Variants in CLDN10 observed in about 807,000 individuals in gnomAD.
CLDN10 encodes the protein claudin 10, also known as claudin-10.
In CLDN10, 15 loss-of-function variants were observed where a neutral mutation model predicts 22.9. That is an observed-to-expected ratio of 0.65 (90% CI 0.44 to 1.01). CLDN10 has a LOEUF of 1.01. Ranked by LOEUF, CLDN10 falls within the 50% of genes least tolerant of loss-of-function variation. The pLI, the probability that CLDN10 is intolerant of heterozygous loss-of-function variation, is 0.00. For missense variants in CLDN10, 247 were observed against 287.8 expected (o/e 0.86, Z 1.03); for synonymous variants, 114 against 111.4 (o/e 1.02, Z -0.15).
intron 1 of CLDN10, among the ~76,000 whole-genome samples, chr13:95,494,327 A>G (rs1321120490): frequency 6.6e-6 from 1 of 152,230 alleles, no homozygotes; most frequent in Non-Finnish European, 1.5e-5. Context: ...GTATTTACAC[A>G]AGAGGAAACA....
chr13:95,495,327 G>C (rs1004547541), intron 1 of CLDN10, among the ~76,000 whole-genome samples: 2 of 150,872 alleles, frequency 1.3e-5, no homozygotes, highest in African/African-American at 4.9e-5. Context: ...GTGAGCCACC[G>C]TGCCCTGCCC....
At chr13:95,434,630 A>G (rs1373270159) in intron 1 of CLDN10, among the ~76,000 whole-genome samples, 1 of 149,332 alleles carries the variant, frequency 6.7e-6, no homozygotes, top group Non-Finnish European at 1.5e-5. Flanking sequence ...ACATATATTC[A>G]TGCACACACA....
chr13:95,449,058 A>G (rs902839504), intron 1 of CLDN10, among the ~76,000 whole-genome samples: 1 of 151,894 alleles, frequency 6.6e-6, no homozygotes, highest in African/African-American at 2.4e-5. Flanking sequence ...CATACTCTAA[A>G]TCACCTTACT....
rs547636191 is a variant in CLDN10 at position 95,567,565 on chromosome 13, A to T, written c.464+7102A>T. On this transcript the variant is annotated intron_variant, in intron 3 of 4. Transcript: ENST00000299339. ...CTGAATATACAATCATGTCATCTGC[A>T]AACAGGGACAATTTGACTTCCTCTT... Among the ~76,000 whole-genome samples the T allele has an allele frequency of 5.3e-5, 8 of 152,370 alleles. No individual in the cohort carries two copies. In the East Asian group the frequency reaches 1.5e-3, roughly 29 times the overall value.
In CLDN10 at chr13:95,440,181, G is replaced by C. The variant is rs181528976; in HGVS notation, c.214+6134G>C. Reference sequence around the variant, plus strand: ...CCCACCTCAGCTTCCCAAAGTGCTGGGATTACAGGCGTGAGCCACCATGCC... The same window carrying C: ...CCCACCTCAGCTTCCCAAAGTGCTGCGATTACAGGCGTGAGCCACCATGCC... On this transcript the variant is annotated intron_variant, in intron 1 of 4. Transcript: ENST00000376873. Among the ~76,000 whole-genome samples, 1,498 of 151,508 alleles carry C rather than the reference G, an allele frequency of 9.9e-3. 24 individuals carry two copies. Among genetic ancestry groups the C allele is most frequent in the African/African-American group, 0.035 (1,432 of 41,304 alleles).
intron 1 of CLDN10, among the ~76,000 whole-genome samples, chr13:95,518,167 G>A (rs2043189718): frequency 6.6e-6 from 1 of 152,152 alleles, no homozygotes; most frequent in Non-Finnish European, 1.5e-5. Context: ...AGGGTTGTGA[G>A]GTTAGAATGA....
intron 1 of CLDN10, among the ~76,000 whole-genome samples, chr13:95,543,510 G>T (rs1424792340): frequency 6.6e-6 from 1 of 151,956 alleles, no homozygotes; most frequent in East Asian, 1.9e-4. Flanking sequence ...ATTCCAGGTA[G>T]CAAAACAAAC....
chr13:95,496,734 T>C (rs1246880968), intron 1 of CLDN10, among the ~76,000 whole-genome samples: 3 of 152,226 alleles, frequency 2.0e-5, no homozygotes, highest in Non-Finnish European at 4.4e-5. Context: ...CCCACCCTCA[T>C]GACCTCATGT....
In CLDN10 at chr13:95,460,525, T is replaced by C. The variant is rs191334291; in HGVS notation, c.214+26478T>C. Among the ~76,000 whole-genome samples the C allele has an allele frequency of 3.3e-5, 5 of 152,234 alleles. No individual in the cohort carries two copies. The East Asian group carries it at 9.6e-4, about 29-fold the overall frequency. ...ACATGGCAAAAAGGAAAGAGCCCCT[T>C]ATAAAACCATTAGATCTCATGAAAA... On this transcript the variant is annotated intron_variant, in intron 1 of 4. Coordinates refer to the CLDN10 transcript ENST00000376873.
At chr13:95,453,132 A>C (rs1028339976) in intron 1 of CLDN10, among the ~76,000 whole-genome samples, 1 of 152,178 alleles carries the variant, frequency 6.6e-6, no homozygotes, top group Non-Finnish European at 1.5e-5. Flanking sequence ...TACTATACCA[A>C]CCTATGGGAA....
intron 3 of CLDN10, among the ~76,000 whole-genome samples, chr13:95,570,535 A>C (rs1443717714): frequency 1.3e-5 from 2 of 152,062 alleles, no homozygotes; most frequent in East Asian, 3.9e-4. Flanking sequence ...GTAGACACTC[A>C]CTGATCACTT....
intron 1 of CLDN10, among the ~76,000 whole-genome samples, chr13:95,473,370 C>T (rs1252212444): frequency 1.3e-5 from 2 of 152,046 alleles, no homozygotes; most frequent in South Asian, 2.1e-4. Context: ...GCACATGTAC[C>T]CCAGAACTAA....
At chr13:95,542,738 C>T (rs1210582888) in intron 1 of CLDN10, among the ~76,000 whole-genome samples, 1 of 152,100 alleles carries the variant, frequency 6.6e-6, no homozygotes, top group Non-Finnish European at 1.5e-5. Context: ...ACCCAGGAGG[C>T]AGAAATTGCA....
At chr13:95,471,866 C>T (rs2042636509) in intron 1 of CLDN10, among the ~76,000 whole-genome samples, 1 of 151,892 alleles carries the variant, frequency 6.6e-6, no homozygotes, top group Admixed American at 6.6e-5. Context: ...CATCATGGCT[C>T]ACTGCAGCCT....
chr13:95,549,356 T>A (rs977917958), upstream of CLDN10, among the ~76,000 whole-genome samples: 1 of 152,264 alleles, frequency 6.6e-6, no homozygotes, highest in African/African-American at 2.4e-5. Context: ...AAGTACTCTG[T>A]AAATCGGCTT....
chr13:95,519,948 A>G, intron 1 of CLDN10, among the ~76,000 whole-genome samples: 1 of 152,264 alleles, frequency 6.6e-6, no homozygotes, highest in East Asian at 1.9e-4. Context: ...ATGAAAATCT[A>G]AAGTGCAAAG....
intron 1 of CLDN10, among the ~76,000 whole-genome samples, chr13:95,480,194 C>G (rs183335777): frequency 1.3e-5 from 2 of 150,190 alleles, no homozygotes; most frequent in Non-Finnish European, 2.9e-5. Flanking sequence ...TGACCCGCCC[C>G]CATGATTCAA....
At chr13:95,524,657 C>T (rs181771001) in intron 1 of CLDN10, among the ~76,000 whole-genome samples, 4 of 152,230 alleles carry the variant, frequency 2.6e-5, no homozygotes, top group African/African-American at 9.6e-5. Flanking sequence ...TTTTCAATTA[C>T]CTTGGATATA....
intron 1 of CLDN10, among the ~76,000 whole-genome samples, chr13:95,536,874 G>A (rs1237152195): frequency 2.0e-5 from 3 of 152,170 alleles, no homozygotes; most frequent in African/African-American, 7.2e-5. Flanking sequence ...ATGAAATATA[G>A]TGCGGTATTT....
Sources: allele counts gnomAD v4.1 joint callset (sites outside exome capture counted in the v4.1 genomes callset), GRCh38; gene constraint gnomAD v4.1.1; transcripts MANE v1.5; gene names NCBI Gene and HGNC (gene_info 2026-07-23, HGNC 2026-07-21).